Variants in TENM3 observed in about 807,000 individuals in gnomAD.
TENM3 encodes the protein teneurin transmembrane protein 3.
Under a neutral mutation model 255.1 loss-of-function variants are expected in TENM3, and 63 were observed. The observed-to-expected ratio is 0.25, with a 90% CI of 0.20 to 0.30. The LOEUF (loss-of-function observed/expected upper bound fraction) is 0.30. TENM3 is among the 10% of genes least tolerant of loss of function. The probability of loss-of-function intolerance (pLI) is 1.00; values close to 1 mark genes in which losing one functional copy is unlikely to be tolerated. For synonymous variants in TENM3, 1,306 were observed against 1,322.3 expected (o/e 0.99, Z 0.27); for missense variants, 2,929 against 3,461.1 (o/e 0.85, Z 3.86).
At chr4:181,620,326 G>T in the TENM3 span, among the ~76,000 whole-genome samples, 1 of 152,028 alleles carries the variant, frequency 6.6e-6, no homozygotes, top group African/African-American at 2.4e-5. Context: ...GGTGTACACG[G>T]GGGATTGGTT....
At chr4:182,286,003 C>A (rs1029412711) in intron 1 of TENM3, among the ~76,000 whole-genome samples, 1 of 152,168 alleles carries the variant, frequency 6.6e-6, no homozygotes, top group Non-Finnish European at 1.5e-5. Context: ...TGCTGGGCGT[C>A]CCCACAGCAC....
At chr4:182,033,861 T>A in the TENM3 span, among the ~76,000 whole-genome samples, 2 of 152,232 alleles carry the variant, frequency 1.3e-5, no homozygotes, top group African/African-American at 4.8e-5. Flanking sequence ...TTGCAGCACT[T>A]GCATTTTTCT....
chr4:181,902,207 T>TA, the TENM3 span, among the ~76,000 whole-genome samples: 1 of 151,000 alleles, frequency 6.6e-6, no homozygotes, highest in Middle Eastern at 3.2e-3. Context: ...AAAACCCTAT[T>TA]AAAAGAGCAG....
intron 1 of TENM3, among the ~76,000 whole-genome samples, chr4:182,228,464 A>G (rs10030335): frequency 0.34 from 48,187 of 141,004 alleles, 9,533 homozygotes; most frequent in Non-Finnish European, 0.38. Context: ...CAACTGAGTC[A>G]TTAAAAATAG....
the TENM3 span, among the ~76,000 whole-genome samples, chr4:182,108,259 T>G: frequency 2.0e-5 from 3 of 152,200 alleles, no homozygotes; most frequent in African/African-American, 7.2e-5. Context: ...AAAACGTTTA[T>G]CTGCTGCTAA....
At chr4:181,660,339 A>G in the TENM3 span, among the ~76,000 whole-genome samples, 1 of 152,164 alleles carries the variant, frequency 6.6e-6, no homozygotes, top group East Asian at 1.9e-4. Context: ...CTTCAGCGAA[A>G]TGGTAATTGC....
chr4:182,556,060 A>G (rs1215224186), intron 3 of TENM3, among the ~76,000 whole-genome samples: 4 of 152,122 alleles, frequency 2.6e-5, no homozygotes, highest in Non-Finnish European at 5.9e-5. Context: ...CATTGTCCCT[A>G]GCCCATTAGG....
the TENM3 span, among the ~76,000 whole-genome samples, chr4:181,985,486 T>A: frequency 6.6e-6 from 1 of 152,102 alleles, no homozygotes; most frequent in South Asian, 2.1e-4. Flanking sequence ...ATGAGGGGAA[T>A]AGATCAGAGT....
At chr4:182,521,991 T>C (rs764197566) in intron 3 of TENM3, among the ~76,000 whole-genome samples, 4 of 152,196 alleles carry the variant, frequency 2.6e-5, no homozygotes, top group Non-Finnish European at 4.4e-5. Context: ...CTAACTCAGA[T>C]TGGCTCTTAA....
At chr4:182,100,672 T>TATATACACAC in the TENM3 span, among the ~76,000 whole-genome samples, 1 of 44,720 alleles carries the variant, frequency 2.2e-5, no homozygotes, top group African/African-American at 6.3e-5. Context: ...TATATACACA[T>TATATACACAC]ATATATACAC....
At chr4:182,440,706 G>T (rs996032684) in intron 3 of TENM3, among the ~76,000 whole-genome samples, 3 of 152,114 alleles carry the variant, frequency 2.0e-5, no homozygotes, top group African/African-American at 7.2e-5. Context: ...GAAGATTTGA[G>T]AATAATTATC....
At chr4:181,534,470 C>G in the TENM3 span, among the ~76,000 whole-genome samples, 1 of 102,962 alleles carries the variant, frequency 9.7e-6, no homozygotes, top group African/African-American at 4.6e-5. Context: ...AGGTCTTCCC[C>G]CCCCCCACAG....
At chr4:182,794,572 T>A (rs903456954) in intron 26 of TENM3, among the ~76,000 whole-genome samples, 15 of 152,252 alleles carry the variant, frequency 9.9e-5, no homozygotes, top group Admixed American at 9.2e-4. Context: ...TCTTCTTACA[T>A]CACTGTCTTC....
At chr4:181,577,136 TAATATATAATTA>T in the TENM3 span, among the ~76,000 whole-genome samples, 1 of 135,176 alleles carries the variant, frequency 7.4e-6, no homozygotes, top group African/African-American at 2.8e-5. Flanking sequence ...TGTAATAATA[TAATATATAATTA>T]ATATATATAT....
intron 1 of TENM3, among the ~76,000 whole-genome samples, chr4:182,284,335 A>G (rs1760592086): frequency 6.6e-6 from 1 of 152,228 alleles, no homozygotes. Context: ...GGGCATATTC[A>G]CAGATGTTAA....
At chr4:182,500,970 G>A (rs1020601067) in intron 3 of TENM3, among the ~76,000 whole-genome samples, 16 of 152,026 alleles carry the variant, frequency 1.1e-4, no homozygotes, top group Non-Finnish European at 2.1e-4. Flanking sequence ...ATTTCTGGGT[G>A]GAGAGAGTTG....
intron 22 of TENM3, among the ~76,000 whole-genome samples, chr4:182,757,521 C>T (rs1292814946): frequency 6.6e-6 from 1 of 152,056 alleles, no homozygotes; most frequent in Admixed American, 6.6e-5. Context: ...CTTGAACTTC[C>T]TACAGCAGAT....
chr4:182,067,967 A>T, the TENM3 span, among the ~76,000 whole-genome samples: 1 of 152,192 alleles, frequency 6.6e-6, no homozygotes, highest in South Asian at 2.1e-4. Flanking sequence ...GGCTGCCAGG[A>T]AAGAGAACTA....
intron 1 of TENM3, among the ~76,000 whole-genome samples, chr4:182,299,554 C>T (rs116685354): frequency 0.019 from 2,921 of 152,274 alleles, 90 homozygotes; most frequent in African/African-American, 0.067. Flanking sequence ...TTTTAGTGTG[C>T]ATCAAGGTCA....
Sources: gnomAD v4.1 joint callset for allele counts (sites outside exome capture counted in the v4.1 genomes callset) on GRCh38, gnomAD v4.1.1 for gene constraint, MANE v1.5 for transcripts, NCBI Gene and HGNC (gene_info 2026-07-23, HGNC 2026-07-21) for gene names.